Variants in CSMD1 observed in about 807,000 individuals in gnomAD.
CSMD1 encodes the protein CUB and sushi domain-containing protein 1.
Under a neutral mutation model 417.5 loss-of-function variants are expected in CSMD1, and 213 were observed. The ratio of observed to expected loss-of-function variants is 0.51; its 90% CI spans 0.46 to 0.57. The LOEUF (loss-of-function observed/expected upper bound fraction) is 0.57, where lower values mean the gene tolerates loss of function less well. Ranked by LOEUF, CSMD1 falls within the 20% of genes least tolerant of loss-of-function variation. The pLI, the probability that CSMD1 is intolerant of heterozygous loss-of-function variation, is 0.00. For missense variants in CSMD1, 6,923 were observed against 4,529.7 expected, an observed-to-expected ratio of 1.53 and a Z score of -15.17; for synonymous variants, 2,862 against 1,736.8, an observed-to-expected ratio of 1.65 and a Z score of -16.11.
At chr8:4,065,388 G>A (rs181515186) in intron 3 of CSMD1, among the ~76,000 whole-genome samples, 82 of 152,300 alleles carry the variant, frequency 5.4e-4, no homozygotes, top group African/African-American at 1.7e-3. Context: ...TGGTCCTACA[G>A]TCTTAAAAAT....
intron 26 of CSMD1, among the ~76,000 whole-genome samples, chr8:3,254,033 T>C (rs1186757082): frequency 6.6e-6 from 1 of 152,230 alleles, no homozygotes; most frequent in Non-Finnish European, 1.5e-5. Flanking sequence ...TTTCCATGTT[T>C]AGTGCTTCCT....
chr8:4,957,131 A>C (rs542170731), intron 1 of CSMD1, among the ~76,000 whole-genome samples: 1 of 152,226 alleles, frequency 6.6e-6, no homozygotes. Context: ...TAATAAAAGC[A>C]AATGAAATCT....
chr8:3,894,598 G>A lies in CSMD1; in HGVS notation c.818+103305C>T, dbSNP rs563064478. ...CCTATTGATTTGTTGTCTGTATGGG[G>A]CTATTTACAGAAAATAAATGCTCAG... is the stretch of plus-strand genomic sequence containing the variant. On this transcript the variant is annotated intron_variant, in intron 5 of 69. Coordinates refer to ENST00000635120, the MANE Select transcript of CSMD1 (RefSeq NM_033225.6). 5.3e-5 allele frequency among the ~76,000 whole-genome samples: 8 copies of A among 152,184 alleles called. No individual in the cohort carries two copies. The East Asian group carries it at 1.5e-3, about 29-fold the overall frequency.
chr8:4,862,811 G>A (rs771248084), intron 1 of CSMD1, among the ~76,000 whole-genome samples: 20 of 152,038 alleles, frequency 1.3e-4, no homozygotes, highest in Non-Finnish European at 1.9e-4. Flanking sequence ...AGGGATTTGG[G>A]GTAGCTAGAA....
chr8:4,787,559 G>C, intron 1 of CSMD1: 2 of 1,451,106 alleles, frequency 1.4e-6, no homozygotes, highest in Non-Finnish European at 1.9e-6. Flanking sequence ...AAAATGTGGG[G>C]AGACAGCTTT....
chr8:3,422,469 T>C (rs192105399), intron 12 of CSMD1, among the ~76,000 whole-genome samples: 3 of 152,252 alleles, frequency 2.0e-5, no homozygotes, highest in African/African-American at 7.2e-5. Context: ...TGCATTTCAG[T>C]AATTCTTATA....
intron 23 of CSMD1, among the ~76,000 whole-genome samples, chr8:3,319,193 C>G (rs1584992576): frequency 6.6e-6 from 1 of 152,276 alleles, no homozygotes; most frequent in African/African-American, 2.4e-5. Flanking sequence ...AAAAATGAAA[C>G]TCACATATTT....
intron 3 of CSMD1, among the ~76,000 whole-genome samples, chr8:4,133,050 C>G (rs999183407): frequency 6.6e-6 from 1 of 152,120 alleles, no homozygotes; most frequent in African/African-American, 2.4e-5. Flanking sequence ...TCTTTTCTGC[C>G]TCAGCCTCTT....
At chr8:3,988,668 A>G (rs560277054) in intron 5 of CSMD1, among the ~76,000 whole-genome samples, 1 of 152,366 alleles carries the variant, frequency 6.6e-6, no homozygotes, top group East Asian at 1.9e-4. Context: ...CACTGTTATC[A>G]CATTTCATTT....
intron 69 of CSMD1, 142 bp from the exon 70 acceptor site, chr8:2,938,886 T>G: frequency 1.6e-6 from 1 of 630,776 alleles, no homozygotes; most frequent in South Asian, 2.1e-5. Context: ...CATCCACACC[T>G]GCACACCTGT....
At chr8:3,320,638 G>A (rs918814391) in intron 23 of CSMD1, among the ~76,000 whole-genome samples, 1 of 152,178 alleles carries the variant, frequency 6.6e-6, no homozygotes, top group African/African-American at 2.4e-5. Context: ...GCCTCAACTA[G>A]ACCACCGCTG....
chr8:4,478,286 A>T (rs1800907711), intron 2 of CSMD1, among the ~76,000 whole-genome samples: 1 of 152,216 alleles, frequency 6.6e-6, no homozygotes. Flanking sequence ...TGAAAATAGT[A>T]AAAAGCAACT....
At chr8:3,642,565 T>G (rs895605625) in intron 7 of CSMD1, among the ~76,000 whole-genome samples, 1 of 152,084 alleles carries the variant, frequency 6.6e-6, no homozygotes, top group African/African-American at 2.4e-5. Flanking sequence ...GGAACAGAAG[T>G]TTGCATAAAG....
At position 4,777,715 on chromosome 8, in the gene CSMD1, A is replaced by G. The variant is rs887007300; in HGVS notation, c.86-140157T>C. Among the ~76,000 whole-genome samples, 4 of 152,204 alleles carry G rather than the reference A, an allele frequency of 2.6e-5. No homozygotes were observed. The East Asian group carries it at 5.8e-4, about 22-fold the overall frequency. The stretch of plus-strand genomic sequence containing the variant: ...ATGGTGAAACTGCAATTACTTCTGC[A>G]CCAACCTAATGCATGTGTGTTTCAA... On this transcript the variant is annotated intron_variant, in intron 1 of 69. Coordinates refer to ENST00000635120, the MANE Select transcript of CSMD1 (RefSeq NM_033225.6).
At chr8:3,519,232 C>G (rs532592347) in intron 10 of CSMD1, among the ~76,000 whole-genome samples, 1 of 152,132 alleles carries the variant, frequency 6.6e-6, no homozygotes, top group East Asian at 1.9e-4. Context: ...TTTTTCTTTC[C>G]CTGCATATAA....
At chr8:4,401,074 A>T (rs1804615345) in intron 3 of CSMD1, among the ~76,000 whole-genome samples, 1 of 152,170 alleles carries the variant, frequency 6.6e-6, no homozygotes, top group African/African-American at 2.4e-5. Context: ...ATTTTAAGAA[A>T]ATGAGTTTTT....
At chr8:3,830,261 G>A (rs1802298418) in intron 5 of CSMD1, among the ~76,000 whole-genome samples, 1 of 152,196 alleles carries the variant, frequency 6.6e-6, no homozygotes, top group Non-Finnish European at 1.5e-5. Flanking sequence ...GCAAAAATCA[G>A]CACAGTTAGT....
Position 4,419,964 on chromosome 8 carries a change from G to C in CSMD1, c.404C>G (p.Ala135Gly). 3 of 1,575,282 alleles carry C rather than the reference G, an allele frequency of 1.9e-6. No individual in the cohort carries two copies. Reference sequence around the variant, plus strand: ...AACCAATCTCCTACCTTCATATAATGCTTTGAAACCTTGGGCACTCACAGC... The same window carrying C: ...AACCAATCTCCTACCTTCATATAATCCTTTGAAACCTTGGGCACTCACAGC... ...DFAVSAQGFK[A>G]LYEVLPSHTC... Residue 135 changes from alanine to glycine, a missense_variant, in exon 3 of 70, where the codon GCA (alanine) becomes GGA (glycine). By Grantham distance (60) the Ala-to-Gly change is moderately conservative. Coordinates refer to ENST00000635120, the MANE Select transcript of CSMD1 (RefSeq NM_033225.6).
At chr8:3,113,161 CAA>C (rs1816634426) in intron 42 of CSMD1, 1 of 152,210 alleles carries the variant, frequency 6.6e-6, no homozygotes, top group Non-Finnish European at 1.5e-5. Context: ...GGACTGAGAT[CAA>C]AGAGGAAGCT....
Sources: allele counts gnomAD v4.1 joint callset (sites outside exome capture counted in the v4.1 genomes callset), GRCh38; gene constraint gnomAD v4.1.1; transcripts MANE v1.5; gene names NCBI Gene and HGNC (gene_info 2026-07-23, HGNC 2026-07-21).